SDK1: variants seen among roughly 807,000 people sequenced by gnomAD.
SDK1 encodes protein sidekick-1.
Under a neutral mutation model 245.5 loss-of-function variants are expected in SDK1, and 157 were observed. The ratio of observed to expected loss-of-function variants is 0.64; its 90% confidence interval spans 0.56 to 0.73. The LOEUF (loss-of-function observed/expected upper bound fraction) is 0.73. SDK1 is among the 30% of genes least tolerant of loss of function. The pLI is 0.00. For missense variants in SDK1, 3,583 were observed against 3,002.3 expected (o/e 1.19, Z -4.52); for synonymous variants, 1,647 against 1,278.5 (o/e 1.29, Z -6.15).
chr7:4,066,055 C>A (rs1779877840), intron 19 of SDK1, among the ~76,000 whole-genome samples: 1 of 152,136 alleles, frequency 6.6e-6, no homozygotes, highest in African/African-American at 2.4e-5. Flanking sequence ...CAGTAGGAAC[C>A]AGTGTTCCCT....
intron 1 of SDK1, among the ~76,000 whole-genome samples, chr7:3,514,385 A>T (rs985917594): frequency 6.6e-6 from 1 of 152,232 alleles, no homozygotes; most frequent in Non-Finnish European, 1.5e-5. Context: ...GATAATTTAC[A>T]TATCAGTTGA....
chr7:3,444,082 T>C (rs1216772375), intron 1 of SDK1, among the ~76,000 whole-genome samples: 1 of 152,244 alleles, frequency 6.6e-6, no homozygotes, highest in African/African-American at 2.4e-5. Flanking sequence ...TATACTGCTC[T>C]TCCTTCTTTA....
intron 4 of SDK1, among the ~76,000 whole-genome samples, chr7:3,702,090 T>C (rs1214388802): frequency 6.6e-6 from 1 of 152,176 alleles, no homozygotes; most frequent in Admixed American, 6.5e-5. Context: ...TGAAGTGTTC[T>C]TAGACATGAC....
chr7:3,474,629 A>G (rs1781296312), intron 1 of SDK1, among the ~76,000 whole-genome samples: 1 of 151,940 alleles, frequency 6.6e-6, no homozygotes, highest in Non-Finnish European at 1.5e-5. Context: ...TAACCCATCC[A>G]TGTCTTTCCA....
intron 1 of SDK1, among the ~76,000 whole-genome samples, chr7:3,508,459 C>G (rs1782467932): frequency 1.3e-5 from 2 of 151,720 alleles, no homozygotes; most frequent in Non-Finnish European, 2.9e-5. Flanking sequence ...TCCTGAGTAG[C>G]TGGGATTACA....
At position 3,579,979 on chromosome 7, in the gene SDK1, G is replaced by A. The variant is rs534972664; in HGVS notation, c.299-39101G>A. Among the ~76,000 whole-genome samples, 8 of 152,278 alleles carry A rather than the reference G, an allele frequency of 5.3e-5. No individual in the cohort carries two copies. The South Asian group carries it at 1.2e-3, about 24-fold the overall frequency. ...CAAAATCGGTGTATGAAAATCATTA[G>A]CATTCCTATACACCAACAACATCCA... On this transcript the variant is annotated intron_variant, in intron 1 of 44. Transcript: ENST00000404826.
At chr7:4,174,076 G>A (rs935163156) in intron 32 of SDK1, 146 bp from the exon 33 acceptor site, 41 of 806,558 alleles carry the variant, frequency 5.1e-5, no homozygotes, top group East Asian at 7.4e-5. Context: ...GCCTGGGTTC[G>A]TCTTGATGAA....
At chr7:4,056,752 C>T (rs544233523) in intron 19 of SDK1, among the ~76,000 whole-genome samples, 5 of 152,282 alleles carry the variant, frequency 3.3e-5, no homozygotes, top group African/African-American at 1.2e-4. Flanking sequence ...GAGCCCAGAG[C>T]AGCTACTATG....
intron 5 of SDK1, among the ~76,000 whole-genome samples, chr7:3,871,273 G>A (rs6961925): frequency 2.6e-5 from 4 of 151,480 alleles, no homozygotes; most frequent in Non-Finnish European, 5.9e-5. Context: ...CTTTTATCTC[G>A]CCATCTTGCT....
chr7:3,797,229 T>C (rs1242158772), intron 4 of SDK1, among the ~76,000 whole-genome samples: 3 of 152,058 alleles, frequency 2.0e-5, no homozygotes, highest in African/African-American at 7.2e-5. Flanking sequence ...GCATTCCTCC[T>C]GCCTCGGCCT....
intron 4 of SDK1, among the ~76,000 whole-genome samples, chr7:3,775,632 A>G (rs997310078): frequency 1.3e-5 from 2 of 149,384 alleles, no homozygotes; most frequent in African/African-American, 5.0e-5. Context: ...TGCGGACTGC[A>G]GTGGCGTAAT....
chr7:3,619,230 G>A lies in SDK1; in HGVS notation c.449G>A (p.Ser150Asn). The A allele has an allele frequency of 3.1e-6, 5 of 1,606,110 alleles. No individual in the cohort carries two copies. The highest frequency in any genetic ancestry group is 2.2e-5 in the East Asian group (1 of 44,628). ...RDDSELTTYS[S>N]EYKYIIPSLQ... ...GACAGTGAGCTCACCACCTACAGCAGCGAATATAAGTAATTGATCGCTTGA... is the reference window on the plus strand; with the variant it reads ...GACAGTGAGCTCACCACCTACAGCAACGAATATAAGTAATTGATCGCTTGA... Residue 150 changes from serine to asparagine, a missense_variant, in exon 2 of 45, where the codon AGC (serine) becomes AAC (asparagine). By Grantham distance (46) the Ser-to-Asn change is conservative. Coordinates refer to ENST00000404826, the MANE Select transcript of SDK1 (RefSeq NM_152744.4).
chr7:3,918,574 T>G (rs1271227325), intron 5 of SDK1, among the ~76,000 whole-genome samples: 3 of 152,214 alleles, frequency 2.0e-5, no homozygotes, highest in East Asian at 3.8e-4. Flanking sequence ...GTATAATTAT[T>G]TCATTCTGTA....
chr7:3,597,522 T>C (rs1459565391), intron 1 of SDK1, among the ~76,000 whole-genome samples: 5 of 152,100 alleles, frequency 3.3e-5, no homozygotes, highest in Non-Finnish European at 7.4e-5. Flanking sequence ...TCAGGTTGCT[T>C]TTTCGAAAGT....
At chr7:4,176,979 T>C (rs1782254378) in intron 34 of SDK1, among the ~76,000 whole-genome samples, 1 of 152,236 alleles carries the variant, frequency 6.6e-6, no homozygotes, top group Non-Finnish European at 1.5e-5. Context: ...AGCCATAATG[T>C]GATCGACTTC....
chr7:3,809,163 G>A (rs186220100), intron 4 of SDK1, among the ~76,000 whole-genome samples: 1 of 152,124 alleles, frequency 6.6e-6, no homozygotes, highest in Non-Finnish European at 1.5e-5. Context: ...GAAGGCAAAG[G>A]GGGAGGAGGC....
intron 1 of SDK1, among the ~76,000 whole-genome samples, chr7:3,606,528 G>A (rs545716973): frequency 3.3e-5 from 5 of 152,058 alleles, no homozygotes; most frequent in South Asian, 4.2e-4. Context: ...GTCATCCCCC[G>A]CACTCACTGC....
chr7:3,995,459 C>T (rs970912589), intron 14 of SDK1, among the ~76,000 whole-genome samples: 1 of 152,154 alleles, frequency 6.6e-6, no homozygotes, highest in Non-Finnish European at 1.5e-5. Flanking sequence ...TCCCCATCCC[C>T]TCCCCTGGGG....
chr7:3,889,006 G>C (rs1182315570), intron 5 of SDK1, among the ~76,000 whole-genome samples: 2 of 152,134 alleles, frequency 1.3e-5, no homozygotes, highest in East Asian at 1.9e-4. Context: ...TTTTTAACTA[G>C]ATGTGTTGAT....
Sources: allele counts gnomAD v4.1 joint callset (sites outside exome capture counted in the v4.1 genomes callset), GRCh38; gene constraint gnomAD v4.1.1; transcripts MANE v1.5; gene names NCBI Gene and HGNC (gene_info 2026-07-23, HGNC 2026-07-21).